Variants in XPR1 observed in about 807,000 individuals in gnomAD.
XPR1 encodes xenotropic and polytropic retrovirus receptor 1.
In XPR1, 28 loss-of-function variants were observed where a neutral mutation model predicts 87.5. The observed-to-expected ratio is 0.32, with a 90% CI of 0.24 to 0.44. XPR1 has a LOEUF of 0.44. Among genes scored for constraint, XPR1 ranks in the 20% least tolerant of loss-of-function variants. The pLI is 1.00. For missense variants in XPR1, 559 were observed against 862.3 expected, an observed-to-expected ratio of 0.65 and a Z score of 4.41; for synonymous variants, 300 against 306.1, an observed-to-expected ratio of 0.98 and a Z score of 0.21.
chr1:180,838,632 C>T (rs1651392789), intron 11 of XPR1, among the ~76,000 whole-genome samples: 1 of 152,148 alleles, frequency 6.6e-6, no homozygotes, highest in Non-Finnish European at 1.5e-5. Context: ...AAGTTTACAA[C>T]TGAAATTTTT....
intron 2 of XPR1, among the ~76,000 whole-genome samples, chr1:180,743,334 A>T (rs1367274132): frequency 6.6e-6 from 1 of 151,946 alleles, no homozygotes; most frequent in African/African-American, 2.4e-5. Context: ...TATAATATAC[A>T]TACTTCACTT....
intron 2 of XPR1, among the ~76,000 whole-genome samples, chr1:180,718,832 C>A (rs1658084984): frequency 6.6e-6 from 1 of 151,996 alleles, no homozygotes; most frequent in East Asian, 1.9e-4. Context: ...CCACAGCTGG[C>A]TAATTTTTGT....
At chr1:180,836,857 T>G in intron 11 of XPR1, 141 bp downstream of exon 11, 1 of 918,874 alleles carries the variant, frequency 1.1e-6, no homozygotes, top group South Asian at 1.7e-5. Context: ...TATATCAGTT[T>G]GTTCTTGAAT....
At chr1:180,728,531 TTAAC>T (rs1265995798) in intron 2 of XPR1, among the ~76,000 whole-genome samples, 1 of 152,252 alleles carries the variant, frequency 6.6e-6, no homozygotes, top group African/African-American at 2.4e-5. Flanking sequence ...CATATTCCGA[TTAAC>T]TAATTCTCAG....
intron 2 of XPR1, among the ~76,000 whole-genome samples, chr1:180,704,424 A>G (rs914033799): frequency 2.0e-5 from 3 of 151,110 alleles, no homozygotes; most frequent in Non-Finnish European, 4.4e-5. Context: ...CCCTTTGTCA[A>G]TTATTTGGTT....
At chr1:180,655,678 A>C (rs1161087119) in intron 1 of XPR1, among the ~76,000 whole-genome samples, 2 of 151,980 alleles carry the variant, frequency 1.3e-5, no homozygotes, top group African/African-American at 2.4e-5. Flanking sequence ...CAGTATTGTG[A>C]AACTTTTGTC....
intron 1 of XPR1, among the ~76,000 whole-genome samples, chr1:180,674,092 A>G (rs558178660): frequency 6.6e-6 from 1 of 152,362 alleles, no homozygotes; most frequent in African/African-American, 2.4e-5. Flanking sequence ...TTATGCATGT[A>G]TGATCATGAA....
chr1:180,743,534 G>A (rs1192056891), intron 2 of XPR1, among the ~76,000 whole-genome samples: 1 of 152,046 alleles, frequency 6.6e-6, no homozygotes, highest in Non-Finnish European at 1.5e-5. Context: ...TAGAACTCAA[G>A]AAGAATAGTT....
chr1:180,678,781 A>G (rs1055865938), intron 1 of XPR1, among the ~76,000 whole-genome samples: 3 of 152,236 alleles, frequency 2.0e-5, no homozygotes, highest in Non-Finnish European at 4.4e-5. Flanking sequence ...CAAAGCAAAT[A>G]GTAAATTCAC....
chr1:180,784,125 A>G lies in XPR1; in HGVS notation c.122-3628A>G, dbSNP rs1649046537. On this transcript the variant is annotated intron_variant, in intron 2 of 14. Transcript: ENST00000367590. ...TTGTATAGAGATTCCTTTAGAATAC[A>G]TTTCCTACATGTGGGATTAAACACT... is the stretch of plus-strand genomic sequence containing the variant. Among the ~76,000 whole-genome samples, 3 of 152,026 alleles carry G rather than the reference A, an allele frequency of 2.0e-5. No homozygotes were observed. The South Asian group carries it at 6.2e-4, about 32-fold the overall frequency.
intron 2 of XPR1, among the ~76,000 whole-genome samples, chr1:180,781,079 C>A (rs1315390768): frequency 1.3e-5 from 2 of 151,480 alleles, no homozygotes; most frequent in African/African-American, 4.8e-5. Context: ...ACATTTAGGT[C>A]TTTGATCACT....
intron 2 of XPR1, among the ~76,000 whole-genome samples, chr1:180,747,540 C>G (rs1298601653): frequency 6.6e-6 from 1 of 152,072 alleles, no homozygotes; most frequent in East Asian, 1.9e-4. Context: ...TATTTCCCAC[C>G]TAATGGATTC....
chr1:180,844,926 A>G (rs991624671), intron 11 of XPR1, among the ~76,000 whole-genome samples: 1 of 152,210 alleles, frequency 6.6e-6, no homozygotes, highest in East Asian at 1.9e-4. Flanking sequence ...ACCAAACCCT[A>G]CATTAATGGG....
chr1:180,649,713 T>C (rs1205804961), intron 1 of XPR1, among the ~76,000 whole-genome samples: 4 of 152,174 alleles, frequency 2.6e-5, no homozygotes, highest in South Asian at 2.1e-4. Flanking sequence ...TGTAGACATA[T>C]TTTCAATCTG....
chr1:180,856,373 G>T (rs1652033845), intron 11 of XPR1, among the ~76,000 whole-genome samples: 1 of 151,538 alleles, frequency 6.6e-6, no homozygotes, highest in Non-Finnish European at 1.5e-5. Flanking sequence ...CTTATAGATG[G>T]AAGACTTATC....
chr1:180,645,471 G>A (rs893095125), intron 1 of XPR1, among the ~76,000 whole-genome samples: 2 of 152,188 alleles, frequency 1.3e-5, no homozygotes, highest in African/African-American at 4.8e-5. Context: ...CATCTCTCCC[G>A]AAGTGACAGA....
At chr1:180,835,263 A>C (rs1191329554) in intron 10 of XPR1, among the ~76,000 whole-genome samples, 1 of 152,214 alleles carries the variant, frequency 6.6e-6, no homozygotes, top group African/African-American at 2.4e-5. Context: ...TTGCCAAGAT[A>C]TTTACAACTT....
intron 2 of XPR1, among the ~76,000 whole-genome samples, chr1:180,773,174 A>G (rs975026338): frequency 5.3e-5 from 8 of 152,228 alleles, no homozygotes; most frequent in African/African-American, 1.7e-4. Flanking sequence ...AGAGGGTGGC[A>G]GATGACTAGG....
At chr1:180,832,847 T>A (rs941942099) in intron 9 of XPR1, among the ~76,000 whole-genome samples, 7 of 152,194 alleles carry the variant, frequency 4.6e-5, no homozygotes, top group African/African-American at 7.2e-5. Context: ...CTATGTGGGC[T>A]CTTTTTTGGT....
Sources: gnomAD v4.1 joint callset for allele counts (sites outside exome capture counted in the v4.1 genomes callset) on GRCh38, gnomAD v4.1.1 for gene constraint, MANE v1.5 for transcripts, NCBI Gene and HGNC (gene_info 2026-07-23, HGNC 2026-07-21) for gene names.